MARK3: variants seen among roughly 807,000 people sequenced by gnomAD.
MARK3 encodes MAP/microtubule affinity-regulating kinase 3.
Under a neutral mutation model 90.1 loss-of-function variants are expected in MARK3, and 46 were observed. The ratio of observed to expected loss-of-function variants is 0.51; its 90% confidence interval spans 0.40 to 0.65. The LOEUF (loss-of-function observed/expected upper bound fraction) is 0.65. Among genes scored for constraint, MARK3 ranks in the 30% least tolerant of loss-of-function variants. The pLI, the probability that MARK3 is intolerant of heterozygous loss-of-function variation, is 0.00. For synonymous variants in MARK3, 321 were observed against 332.6 expected, an observed-to-expected ratio of 0.97 and a Z score of 0.38; for missense variants, 818 against 947.2, an observed-to-expected ratio of 0.86 and a Z score of 1.79.
At chr14:103,432,779 C>G (rs2092619144) in intron 3 of MARK3, among the ~76,000 whole-genome samples, 1 of 152,100 alleles carries the variant, frequency 6.6e-6, no homozygotes, top group African/African-American at 2.4e-5. Flanking sequence ...TCACTTGAGC[C>G]TAGAAGTTGG....
At chr14:103,492,077 C>CA (rs759525798) in intron 15 of MARK3, 43 bp downstream of exon 15, 2 of 1,589,786 alleles carry the variant, frequency 1.3e-6, no homozygotes, top group South Asian at 2.3e-5. Flanking sequence ...ACACATAGAG[C>CA]AAAAGGAAAG....
intron 1 of MARK3, among the ~76,000 whole-genome samples, chr14:103,396,252 A>G (rs1025896824): frequency 4.6e-5 from 7 of 152,158 alleles, no homozygotes; most frequent in Admixed American, 2.0e-4. Flanking sequence ...TACTTGTACT[A>G]CCAGTTCCTG....
intron 2 of MARK3, chr14:103,412,527 T>C: frequency 1.8e-6 from 1 of 544,612 alleles, no homozygotes; most frequent in South Asian, 1.8e-5. Context: ...TGGGGGGATA[T>C]CCGTGGCCTT....
chr14:103,416,001 G>T (rs1211681232), intron 2 of MARK3, among the ~76,000 whole-genome samples: 1 of 152,012 alleles, frequency 6.6e-6, no homozygotes, highest in African/African-American at 2.4e-5. Context: ...TGATATATTT[G>T]GCTTATTTAC....
At chr14:103,394,385 A>G (rs2090450857) in intron 1 of MARK3, among the ~76,000 whole-genome samples, 1 of 152,292 alleles carries the variant, frequency 6.6e-6, no homozygotes, top group Non-Finnish European at 1.5e-5. Context: ...ACCTGCTTGT[A>G]CAGAACAATT....
rs11627567 is a variant in MARK3, at chr14:103,385,438, C to T, written c.-592C>T. ...TTGGCTCCGTGAGGCTCTGAGGTGC[C>T]GGGGTGCGGCGGCGGCAGCGGCGGC... On this transcript the variant is annotated 5_prime_UTR_variant, in exon 1 of 18. Coordinates refer to ENST00000429436, the MANE Select transcript of MARK3 (RefSeq NM_001128918.3). The T allele has an allele frequency of 0.14, 22,240 of 154,520 alleles. 2,109 individuals carry two copies. Among genetic ancestry groups the T allele is most frequent in the Middle Eastern group, 0.21 (65 of 304 alleles). The allele number at this position is 154,520 out of a possible 1,614,324, so 9.6% of individuals were successfully genotyped here. A position where few individuals can be genotyped will look rare whatever the true frequency, so the allele number is the denominator to read the frequency against.
intron 5 of MARK3, among the ~76,000 whole-genome samples, chr14:103,455,651 G>T (rs1364961287): frequency 1.3e-5 from 2 of 149,074 alleles, no homozygotes; most frequent in Non-Finnish European, 3.0e-5. Flanking sequence ...TTGCTTGAAC[G>T]TTGGAGGCAG....
chr14:103,452,662 G>A (rs930645954), intron 5 of MARK3, among the ~76,000 whole-genome samples: 8 of 151,060 alleles, frequency 5.3e-5, no homozygotes, highest in South Asian at 4.2e-4. Flanking sequence ...TAGTAGAGAC[G>A]GGGTTTCACC....
chr14:103,462,835 C>CT (rs951366448), intron 7 of MARK3, among the ~76,000 whole-genome samples: 1 of 152,168 alleles, frequency 6.6e-6, no homozygotes, highest in African/African-American at 2.4e-5. Context: ...TTTGAGACCT[C>CT]TTTCAAGGTC....
Position 103,465,954 on chromosome 14 carries a change from C to T in MARK3, c.778-18C>T, listed in dbSNP as rs1255774020. 2 of 1,608,136 alleles carry T rather than the reference C, an allele frequency of 1.2e-6. No homozygotes were observed. The highest frequency in any genetic ancestry group is 1.3e-5 in the African/African-American group (1 of 74,638). ...AAGGTTGACTTACTCGTTTTCTTTCCTCTGTACCTCTCCAAAGGAACTGAG... is the reference window on the plus strand; with the variant it reads ...AAGGTTGACTTACTCGTTTTCTTTCTTCTGTACCTCTCCAAAGGAACTGAG... On this transcript the variant is annotated intron_variant, in intron 8 of 17. Transcript: ENST00000429436.
Position 103,389,943 on chromosome 14 carries a change from CAAAAAAAAAA to C in MARK3, c.51+3877_51+3886del, listed in dbSNP as rs71126011. On this transcript the variant is annotated intron_variant, in intron 1 of 17. Transcript: ENST00000429436. Reference sequence around the variant, plus strand: ...TGGGCGACAGAGGGATACTCCGTCTCAAAAAAAAAAAAAAAAAAAAAAAGGCCGGGCGCGG... The same window carrying C: ...TGGGCGACAGAGGGATACTCCGTCTCAAAAAAAAAAAAAGGCCGGGCGCGG... Among the ~76,000 whole-genome samples, 15 of 29,620 alleles carry C rather than the reference CAAAAAAAAAA, an allele frequency of 5.1e-4. 1 individual carries two copies. In the South Asian group the frequency reaches 0.026, roughly 52 times the overall value. 19.4% of individuals were successfully genotyped at this position (29,620 alleles called of 152,430 possible). A position where few individuals can be genotyped will look rare whatever the true frequency, so the allele number is the denominator to read the frequency against.
intron 1 of MARK3, among the ~76,000 whole-genome samples, chr14:103,403,347 TG>T (rs1195597192): frequency 6.7e-6 from 1 of 149,244 alleles, no homozygotes; most frequent in Non-Finnish European, 1.5e-5. Context: ...TGTGTGTGTG[TG>T]TGTGTGTGTG....
intron 12 of MARK3, among the ~76,000 whole-genome samples, chr14:103,472,873 G>A (rs773826443): frequency 6.6e-5 from 10 of 151,060 alleles, no homozygotes; most frequent in South Asian, 2.1e-4. Flanking sequence ...GGGCATGGTG[G>A]CAGGCGCCTG....
intron 15 of MARK3, 102 bp from the exon 16 acceptor site, chr14:103,498,400 C>A: frequency 1.2e-6 from 1 of 828,780 alleles, no homozygotes; most frequent in Non-Finnish European, 1.7e-6. Flanking sequence ...AGGAACCCTG[C>A]TTTGTTTTTT....
intron 5 of MARK3, among the ~76,000 whole-genome samples, chr14:103,452,471 CTTTTTT>C (rs71126026): frequency 1.0e-5 from 1 of 97,472 alleles, no homozygotes; most frequent in Non-Finnish European, 2.2e-5. Context: ...CAGGATTTGT[CTTTTTT>C]TTTTTTTTTT....
At chr14:103,412,682 T>C in intron 2 of MARK3, 1 of 801,400 alleles carries the variant, frequency 1.2e-6, no homozygotes, top group Non-Finnish European at 2.0e-6. Context: ...CTTCAGGAAC[T>C]TGGGGCACTT....
intron 1 of MARK3, among the ~76,000 whole-genome samples, chr14:103,396,250 C>T (rs577836046): frequency 6.6e-6 from 1 of 152,302 alleles, no homozygotes; most frequent in South Asian, 2.1e-4. Context: ...GGTACTTGTA[C>T]TACCAGTTCC....
intron 14 of MARK3, among the ~76,000 whole-genome samples, chr14:103,484,660 C>T (rs182238619): frequency 1.3e-5 from 2 of 152,190 alleles, no homozygotes; most frequent in African/African-American, 4.8e-5. Flanking sequence ...AGGCTGGGCG[C>T]GGTGGCTCCC....
intron 12 of MARK3, among the ~76,000 whole-genome samples, chr14:103,470,852 G>A (rs1228862979): frequency 2.0e-5 from 3 of 152,162 alleles, no homozygotes; most frequent in Non-Finnish European, 2.9e-5. Flanking sequence ...GGTGTGGACA[G>A]CTTTGATTTT....
Sources: gnomAD v4.1 joint callset for allele counts (sites outside exome capture counted in the v4.1 genomes callset) on GRCh38, gnomAD v4.1.1 for gene constraint, MANE v1.5 for transcripts, NCBI Gene and HGNC (gene_info 2026-07-23, HGNC 2026-07-21) for gene names.